The following PSME3IP1 variants were observed in gnomAD, a reference collection of about 807,000 sequenced individuals.
PSME3IP1 encodes the protein PSME3-interacting protein.
In PSME3IP1, 13 loss-of-function variants were observed where a neutral mutation model predicts 34.1. The observed-to-expected ratio is 0.38, with a 90% CI of 0.25 to 0.61. The LOEUF is 0.61. Among genes scored for constraint, PSME3IP1 ranks in the 20% least tolerant of loss-of-function variants. The pLI is 0.60. For missense variants in PSME3IP1, 237 were observed against 301.4 expected (o/e 0.79, Z 1.58); for synonymous variants, 93 against 114.3 (o/e 0.81, Z 1.19).
At position 57,167,165 on chromosome 16, in the gene PSME3IP1, G is replaced by A. The variant is rs1473808420; in HGVS notation, c.410C>T (p.Thr137Ile). 4 of 1,614,214 alleles carry A rather than the reference G, an allele frequency of 2.5e-6. No homozygotes were observed. Among genetic ancestry groups the A allele is most frequent in the Admixed American group, 1.7e-5 (1 of 60,026 alleles). The change falls in exon 5 of 7, where the codon ACT (threonine) becomes ATT (isoleucine). Residue 137 changes from threonine (T) to isoleucine (I), a missense_variant. Coordinates refer to ENST00000309137, the MANE Select transcript of PSME3IP1 (RefSeq NM_024946.4). ...ENKKEVEKKL[T>I]VKPIETKNKF... The stretch of plus-strand genomic sequence containing the variant: ...GTTCTTGGTTTCTATAGGCTTCACA[G>A]TCAGTTTCTTTTCCACTTCCTTCTT...
At chr16:57,167,693 G>T (rs1157601969) in intron 4 of PSME3IP1, among the ~76,000 whole-genome samples, 1 of 152,170 alleles carries the variant, frequency 6.6e-6, no homozygotes, top group Non-Finnish European at 1.5e-5. Context: ...TGCTCCACTG[G>T]TGCAAGGAAA....
At position 57,172,864 on chromosome 16, in the gene PSME3IP1, C is replaced by T; in HGVS notation, c.138G>A (p.Glu46=). The stretch of plus-strand genomic sequence containing the variant: ...ATAGAGATCGAGGGTCATAAACCTC[C>T]TCTGGACATTCTGAAAGGAAAAGGA... ...RKPEDPEECP[E]EVYDPRSLYE... Residue 46 remains glutamate, a synonymous_variant, in exon 3 of 7, where the codon GAG becomes GAA. Coordinates refer to ENST00000309137, the MANE Select transcript of PSME3IP1 (RefSeq NM_024946.4). 6.2e-7 allele frequency: 1 copy of T among 1,607,802 alleles called. No homozygotes were observed. The highest frequency in any genetic ancestry group is 1.3e-5 in the African/African-American group (1 of 74,890).
At chr16:57,184,397 G>A (rs1415453428) in intron 1 of PSME3IP1, among the ~76,000 whole-genome samples, 1 of 152,164 alleles carries the variant, frequency 6.6e-6, no homozygotes. Context: ...GTTCCATAGA[G>A]CATAGTGGAA....
chr16:57,178,577 T>A (rs1423347538), intron 1 of PSME3IP1: 1 of 985,268 alleles, frequency 1.0e-6, no homozygotes, highest in East Asian at 1.1e-4. Flanking sequence ...CTAGGTACTG[T>A]GCAATGTAAG....
chr16:57,179,910 T>A (rs2073536919), intron 1 of PSME3IP1, among the ~76,000 whole-genome samples: 1 of 152,254 alleles, frequency 6.6e-6, no homozygotes, highest in Admixed American at 6.5e-5. Flanking sequence ...GGCTAACTCA[T>A]CTATATTTCA....
chr16:57,172,309 T>C lies in PSME3IP1; in HGVS notation c.290A>G (p.Gln97Arg), dbSNP rs1379759643. ...TNFLDEVSRQ[Q>R]ELIEKQRREE... is the part of the protein sequence containing the mutation. The stretch of plus-strand genomic sequence containing the variant: ...TCTTCGTTGCTTTTCTATTAGTTCC[T>C]GCTGTCGAGAAACCTCATCAAGGAA... Residue 97 changes from glutamine (Q) to arginine (R), a missense_variant, in exon 4 of 7, where the codon CAG becomes CGG. By Grantham distance (43) the Gln-to-Arg change is conservative (BLOSUM62 1). Transcript: ENST00000309137. 3 of 1,613,908 alleles carry C rather than the reference T, an allele frequency of 1.9e-6. No individual in the cohort carries two copies. The highest frequency in any genetic ancestry group is 2.7e-5 in the African/African-American group (2 of 74,928).
chr16:57,168,784 CA>C (rs1265944596), intron 4 of PSME3IP1, among the ~76,000 whole-genome samples: 5 of 86,634 alleles, frequency 5.8e-5, no homozygotes, highest in Admixed American at 1.9e-4. Context: ...GCCTGGGTAA[CA>C]AGAGCGAAAC....
intron 1 of PSME3IP1, among the ~76,000 whole-genome samples, chr16:57,182,815 A>G (rs146051817): frequency 0.013 from 2,022 of 152,154 alleles, 56 homozygotes; most frequent in African/African-American, 0.046. Context: ...GAGGCTGAGG[A>G]AGGAGAGTTG....
intron 4 of PSME3IP1, among the ~76,000 whole-genome samples, chr16:57,169,967 C>T (rs1046779903): frequency 6.6e-6 from 1 of 152,040 alleles, no homozygotes; most frequent in East Asian, 1.9e-4. Context: ...CCATGTTGCA[C>T]CTGAATGCCA....
intron 1 of PSME3IP1, among the ~76,000 whole-genome samples, chr16:57,176,817 T>C (rs1246837556): frequency 6.6e-6 from 1 of 152,146 alleles, no homozygotes; most frequent in African/African-American, 2.4e-5. Flanking sequence ...ATGCCATTGG[T>C]GTCCCAGTAA....
chr16:57,158,878 G>A (rs1213197698), intron 6 of PSME3IP1, among the ~76,000 whole-genome samples: 2 of 152,168 alleles, frequency 1.3e-5, no homozygotes, highest in African/African-American at 4.8e-5. Flanking sequence ...GCATGTTACT[G>A]TATGAATACT....
At chr16:57,165,491 A>C (rs537365648) in intron 5 of PSME3IP1, among the ~76,000 whole-genome samples, 4 of 152,340 alleles carry the variant, frequency 2.6e-5, no homozygotes, top group Non-Finnish European at 5.9e-5. Flanking sequence ...ATTCCTTTGA[A>C]GAAGGTAAGA....
chr16:57,171,186 T>C (rs929557717), intron 4 of PSME3IP1, among the ~76,000 whole-genome samples: 1 of 152,156 alleles, frequency 6.6e-6, no homozygotes, highest in South Asian at 2.1e-4. Flanking sequence ...TTGCAAAATC[T>C]GAGGGCAGAA....
intron 6 of PSME3IP1, among the ~76,000 whole-genome samples, chr16:57,162,193 C>T (rs1428639156): frequency 1.3e-5 from 2 of 152,070 alleles, no homozygotes; most frequent in African/African-American, 2.4e-5. Context: ...TGAGCCACTG[C>T]GCCTGGCCTG....
chr16:57,173,905 C>G, intron 1 of PSME3IP1, 36 bp from the exon 2 acceptor site: 1 of 1,585,352 alleles, frequency 6.3e-7, no homozygotes, highest in Non-Finnish European at 8.6e-7. Context: ...AAAATCATTT[C>G]AAGTGAGAAC....
intron 1 of PSME3IP1, among the ~76,000 whole-genome samples, chr16:57,185,303 ACT>A (rs1413819952): frequency 6.6e-6 from 1 of 151,942 alleles, no homozygotes; most frequent in Non-Finnish European, 1.5e-5. Context: ...TGACGCTTCA[ACT>A]CTCTTTGTTT....
intron 2 of PSME3IP1, among the ~76,000 whole-genome samples, chr16:57,173,166 G>T (rs768493272): frequency 1.3e-5 from 2 of 152,222 alleles, no homozygotes; most frequent in Non-Finnish European, 2.9e-5. Context: ...GTTCTCAGTT[G>T]TTCAGACCAT....
chr16:57,173,388 G>C (rs892742441), intron 2 of PSME3IP1, among the ~76,000 whole-genome samples: 9 of 152,186 alleles, frequency 5.9e-5, no homozygotes, highest in Admixed American at 1.3e-4. Context: ...CCAGCACTTT[G>C]GGAGGCCGAG....
chr16:57,181,208 T>C lies in PSME3IP1; in HGVS notation c.-16+4613A>G, dbSNP rs1014165129. Among the ~76,000 whole-genome samples, 5 of 152,208 alleles carry C rather than the reference T, an allele frequency of 3.3e-5. No homozygotes were observed. The East Asian group carries it at 5.8e-4, about 18-fold the overall frequency. Reference sequence around the variant, plus strand: ...TTCCCTTAGCTGATCCTCATTCACATGCACCTCTCTGAATATAAATACTTC... The same window carrying C: ...TTCCCTTAGCTGATCCTCATTCACACGCACCTCTCTGAATATAAATACTTC... On this transcript the variant is annotated intron_variant, in intron 1 of 6. Coordinates refer to ENST00000309137, the MANE Select transcript of PSME3IP1 (RefSeq NM_024946.4).
Sources: gnomAD v4.1 joint callset for allele counts (sites outside exome capture counted in the v4.1 genomes callset) on GRCh38, gnomAD v4.1.1 for gene constraint, MANE v1.5 for transcripts, NCBI Gene and HGNC (gene_info 2026-07-23, HGNC 2026-07-21) for gene names.